Variants in RABGAP1L observed in about 807,000 individuals in gnomAD.
The protein encoded by RABGAP1L is RAB GTPase activating protein 1 like, also known as rab GTPase-activating protein 1-like.
A neutral mutation model predicts 137.7 loss-of-function variants in RABGAP1L; 63 were observed. The observed-to-expected ratio is 0.46, with a 90% CI of 0.37 to 0.56. The LOEUF is 0.56. RABGAP1L is among the 20% of genes least tolerant of loss of function. The pLI is 0.00. For synonymous variants in RABGAP1L, 431 were observed against 433.7 expected, an observed-to-expected ratio of 0.99 and a Z score of 0.08; for missense variants, 1,095 against 1,244.0, an observed-to-expected ratio of 0.88 and a Z score of 1.80.
At chr1:174,292,052 A>ATTATTATTC (rs1676662783) in intron 10 of RABGAP1L, among the ~76,000 whole-genome samples, 1 of 146,776 alleles carries the variant, frequency 6.8e-6, no homozygotes, top group South Asian at 2.1e-4. Flanking sequence ...TATTATTATT[A>ATTATTATTC]TTATTGACAG....
chr1:174,162,213 A>T (rs966781113), intron 1 of RABGAP1L, among the ~76,000 whole-genome samples: 2 of 152,132 alleles, frequency 1.3e-5, no homozygotes, highest in South Asian at 4.1e-4. Context: ...CATGTGAAAC[A>T]GGAGTTTTCA....
At chr1:174,942,530 C>A (rs571749517) in intron 19 of RABGAP1L, among the ~76,000 whole-genome samples, 1 of 152,274 alleles carries the variant, frequency 6.6e-6, no homozygotes, top group Non-Finnish European at 1.5e-5. Flanking sequence ...AATTAATCCC[C>A]ACTTTACTAG....
At chr1:174,665,627 G>A (rs1676736572) in intron 14 of RABGAP1L, among the ~76,000 whole-genome samples, 1 of 151,974 alleles carries the variant, frequency 6.6e-6, no homozygotes, top group Non-Finnish European at 1.5e-5. Flanking sequence ...AGCTAATTTT[G>A]TATTTTTAGT....
chr1:174,168,966 T>G (rs1665131650), intron 1 of RABGAP1L, among the ~76,000 whole-genome samples: 1 of 152,222 alleles, frequency 6.6e-6, no homozygotes, highest in Non-Finnish European at 1.5e-5. Flanking sequence ...CACCTGAATA[T>G]CCACCATTCT....
chr1:174,454,674 C>T (rs909365423), intron 13 of RABGAP1L, among the ~76,000 whole-genome samples: 12 of 151,432 alleles, frequency 7.9e-5, no homozygotes, highest in Non-Finnish European at 1.6e-4. Context: ...CTCAGCCTCC[C>T]GAGTAGCTGA....
chr1:174,307,276 A>G (rs996696420), intron 11 of RABGAP1L, among the ~76,000 whole-genome samples: 8 of 152,368 alleles, frequency 5.3e-5, no homozygotes, highest in African/African-American at 1.4e-4. Flanking sequence ...ACATGAGAAC[A>G]GCTCACTTTT....
rs1369334108 is a variant in RABGAP1L, at chr1:174,584,525, T to G, written c.1711-52850T>G. ...GGAGGATTGCTTGACTTCAGGAGTT[T>G]AAGACTAGCCTGGGCAACATAGCAA... On this transcript the variant is annotated intron_variant, in intron 13 of 25. Coordinates refer to ENST00000681986, the MANE Select transcript of RABGAP1L (RefSeq NM_001366446.1). 3.9e-5 allele frequency among the ~76,000 whole-genome samples: 6 copies of G among 152,168 alleles called. No individual in the cohort carries two copies. In the South Asian group the frequency reaches 1.0e-3, roughly 26 times the overall value.
rs371476442 is a variant in RABGAP1L, at chr1:174,928,809, G to A, written c.2341-28648G>A. On this transcript the variant is annotated intron_variant, in intron 19 of 25. Coordinates refer to ENST00000681986, the MANE Select transcript of RABGAP1L (RefSeq NM_001366446.1). ...TTACTTGCTATATACCAGGCTCAGT[G>A]CTAGTGCTGGGAACTAGTTAGATAG... Among the ~76,000 whole-genome samples the A allele has an allele frequency of 1.5e-4, 23 of 152,226 alleles. 1 individual carries two copies. Among genetic ancestry groups the A allele is most frequent in the African/African-American group, 5.1e-4 (21 of 41,534 alleles).
Position 174,973,979 on chromosome 1 carries a change from G to GTT in RABGAP1L, c.2545-2073_2545-2072dup, listed in dbSNP as rs58500594. On this transcript the variant is annotated intron_variant, in intron 21 of 25. Transcript: ENST00000681986. ...GAAATGAGCAGTACAATTGTTTTTT[G>GTT]TTTTTTTTTTTTTTTTTTTTTTTTT... 3.0e-3 allele frequency among the ~76,000 whole-genome samples: 255 copies of GTT among 85,792 alleles called. 3 individuals carry two copies. Among genetic ancestry groups the GTT allele is most frequent in the African/African-American group, 3.3e-3 (95 of 28,378 alleles). 56.3% of individuals were successfully genotyped at this position (85,792 alleles called of 152,430 possible). A position where few individuals can be genotyped will look rare whatever the true frequency, so the allele number is the denominator to read the frequency against.
At chr1:174,489,418 A>G (rs1057333604) in intron 13 of RABGAP1L, among the ~76,000 whole-genome samples, 3 of 152,190 alleles carry the variant, frequency 2.0e-5, no homozygotes, top group African/African-American at 7.2e-5. Context: ...GCCAACAGAC[A>G]TATGAAAAAA....
chr1:174,943,544 CTT>C (rs1429161106), intron 19 of RABGAP1L, among the ~76,000 whole-genome samples: 9 of 152,128 alleles, frequency 5.9e-5, no homozygotes, highest in African/African-American at 2.2e-4. Context: ...TCTTTTAAGA[CTT>C]TATCCCAGGC....
Position 174,386,852 on chromosome 1 carries a change from A to C in RABGAP1L, c.1560-7143A>C, listed in dbSNP as rs376084939. Among the ~76,000 whole-genome samples, 35 of 152,266 alleles carry C rather than the reference A, an allele frequency of 2.3e-4. No individual in the cohort carries two copies. The East Asian group carries it at 3.7e-3, about 16-fold the overall frequency. ...ATGTAGAAGTTCTAGTGAGTAAGTG[A>C]ATAAACTAGGAAAATCGATAACCCT... On this transcript the variant is annotated intron_variant, in intron 12 of 25. Coordinates refer to ENST00000681986, the MANE Select transcript of RABGAP1L (RefSeq NM_001366446.1).
intron 13 of RABGAP1L, among the ~76,000 whole-genome samples, chr1:174,445,487 T>C (rs1654639851): frequency 6.6e-6 from 1 of 152,188 alleles, no homozygotes; most frequent in African/African-American, 2.4e-5. Context: ...AGTATTGCTC[T>C]GAATAGATTT....
chr1:174,586,532 C>A (rs1301740798), intron 13 of RABGAP1L, among the ~76,000 whole-genome samples: 1 of 151,938 alleles, frequency 6.6e-6, no homozygotes, highest in East Asian at 1.9e-4. Context: ...TGCACATGTA[C>A]CCCAGAACTT....
chr1:174,439,924 AATAATT>A (rs1441755283), intron 13 of RABGAP1L, among the ~76,000 whole-genome samples: 1 of 152,252 alleles, frequency 6.6e-6, no homozygotes, highest in Non-Finnish European at 1.5e-5. Context: ...GAATGAAGTA[AATAATT>A]ATAAACTATA....
intron 13 of RABGAP1L, among the ~76,000 whole-genome samples, chr1:174,535,788 G>T (rs1008136401): frequency 6.6e-6 from 1 of 152,122 alleles, no homozygotes; most frequent in African/African-American, 2.4e-5. Flanking sequence ...TCAGCTTTCA[G>T]AATTGCTTCT....
chr1:174,956,987 A>G (rs1049677108), intron 19 of RABGAP1L, among the ~76,000 whole-genome samples: 1 of 152,164 alleles, frequency 6.6e-6, no homozygotes, highest in Non-Finnish European at 1.5e-5. Flanking sequence ...TTTTACTTAT[A>G]TAAAATAATA....
chr1:174,275,739 T>G, intron 8 of RABGAP1L, 94 bp from the exon 9 acceptor site: 1 of 877,980 alleles, frequency 1.1e-6, no homozygotes, highest in Non-Finnish European at 1.7e-6. Context: ...TTAATCTAAA[T>G]TTTAATAATT....
chr1:174,380,544 C>A (rs1040642562), intron 12 of RABGAP1L, among the ~76,000 whole-genome samples: 1 of 152,042 alleles, frequency 6.6e-6, no homozygotes. Context: ...GGAATATATC[C>A]ATTTCTTCTA....
Sources: gnomAD v4.1 joint callset for allele counts (sites outside exome capture counted in the v4.1 genomes callset) on GRCh38, gnomAD v4.1.1 for gene constraint, MANE v1.5 for transcripts, NCBI Gene and HGNC (gene_info 2026-07-23, HGNC 2026-07-21) for gene names.